The following SPAG9 variants were observed in gnomAD, a reference collection of about 807,000 sequenced individuals.
SPAG9 encodes sperm associated antigen 9.
A neutral mutation model predicts 166.5 loss-of-function variants in SPAG9; 35 were observed. The ratio of observed to expected loss-of-function variants is 0.21; its 90% confidence interval spans 0.16 to 0.28. The LOEUF is 0.28. Ranked by LOEUF, SPAG9 falls within the 10% of genes least tolerant of loss-of-function variation. The probability of loss-of-function intolerance (pLI) is 1.00; values close to 1 mark genes in which losing one functional copy is unlikely to be tolerated. For missense variants in SPAG9, 1,235 were observed against 1,603.3 expected (o/e 0.77, Z 3.92); for synonymous variants, 534 against 565.5 (o/e 0.94, Z 0.79).
In SPAG9 at chr17:50,998,472, A is replaced by G; in HGVS notation, c.1810T>C (p.Ser604Pro). 1 of 1,614,138 alleles carries G rather than the reference A, an allele frequency of 6.2e-7. No homozygotes were observed. The highest frequency in any genetic ancestry group is 8.5e-7 in the Non-Finnish European group (1 of 1,179,990). The change falls in exon 15 of 30, where the codon TCC (serine) becomes CCC (proline). Residue 604 changes from serine (S) to proline (P), a missense_variant. By Grantham distance (74) the Ser-to-Pro change is moderately conservative. This residue lies in a region of SPAG9 where 493 missense variants were observed against 559.4 expected (regional missense o/e 0.88). Coordinates refer to ENST00000262013, the MANE Select transcript of SPAG9 (RefSeq NM_001130528.3). ...STLSQLPGDK[S>P]KAFDFLSEET... ...TCACTAAGGAAATCAAAGGCTTTGG[A>G]CTTATCCCCAGGGAGCTGAGATAAG...
chr17:50,982,789 T>C, intron 24 of SPAG9, 117 bp from the exon 25 acceptor site: 2 of 889,882 alleles, frequency 2.2e-6, no homozygotes, highest in East Asian at 2.7e-5. Context: ...CAAAGTACCA[T>C]GTACTAAGTA....
intron 1 of SPAG9, among the ~76,000 whole-genome samples, chr17:51,115,054 C>T (rs2049245120): frequency 6.6e-6 from 1 of 152,134 alleles, no homozygotes; most frequent in Non-Finnish European, 1.5e-5. Context: ...CATGTTCATA[C>T]ACTTCCAAAG....
intron 9 of SPAG9, among the ~76,000 whole-genome samples, chr17:51,011,724 A>C (rs2045493561): frequency 6.6e-6 from 1 of 152,170 alleles, no homozygotes. Flanking sequence ...AAATATTCAT[A>C]AGTAACTAAA....
intron 1 of SPAG9, among the ~76,000 whole-genome samples, chr17:51,119,510 C>A (rs1415058194): frequency 6.6e-6 from 1 of 152,140 alleles, no homozygotes; most frequent in African/African-American, 2.4e-5. Flanking sequence ...TTCACAGAGT[C>A]GAGGTGAGGG....
At chr17:51,048,861 T>A (rs1463992273) in intron 3 of SPAG9, among the ~76,000 whole-genome samples, 1 of 152,174 alleles carries the variant, frequency 6.6e-6, no homozygotes, top group African/African-American at 2.4e-5. Flanking sequence ...TATAGTATCT[T>A]AAAATTTTTT....
intron 1 of SPAG9, among the ~76,000 whole-genome samples, chr17:51,112,559 T>TACTCAGGAG (rs2049145055): frequency 6.8e-6 from 1 of 148,092 alleles, no homozygotes; most frequent in African/African-American, 2.5e-5. Flanking sequence ...TAGTCCCAGC[T>TACTCAGGAG]ACTCAGGAGG....
chr17:51,044,063 A>G (rs892634150), intron 4 of SPAG9, among the ~76,000 whole-genome samples: 5 of 152,188 alleles, frequency 3.3e-5, no homozygotes, highest in Non-Finnish European at 7.4e-5. Flanking sequence ...ACTGACAGCT[A>G]TCTGTCAAGT....
At chr17:50,982,318 T>C (rs1214320429) in intron 25 of SPAG9, among the ~76,000 whole-genome samples, 1 of 152,198 alleles carries the variant, frequency 6.6e-6, no homozygotes, top group Non-Finnish European at 1.5e-5. Context: ...TTTCCTTTTT[T>C]AAAAAGCCAC....
intron 19 of SPAG9, among the ~76,000 whole-genome samples, chr17:50,992,032 G>A (rs932623993): frequency 5.7e-5 from 8 of 139,344 alleles, no homozygotes; most frequent in South Asian, 4.9e-4. Context: ...TGACCTCCCC[G>A]ACTCAAGTTA....
intron 1 of SPAG9, among the ~76,000 whole-genome samples, chr17:51,100,904 G>A (rs1452849728): frequency 6.6e-6 from 1 of 150,996 alleles, no homozygotes; most frequent in Non-Finnish European, 1.5e-5. Context: ...TGGGCAATAA[G>A]AGCAAAACTC....
intron 2 of SPAG9, among the ~76,000 whole-genome samples, chr17:51,078,617 T>C (rs548442847): frequency 3.3e-5 from 5 of 152,128 alleles, no homozygotes; most frequent in Non-Finnish European, 5.9e-5. Flanking sequence ...TCTCACCTTT[T>C]TTTTTTTCTA....
chr17:51,012,190 T>C (rs1043550306), intron 9 of SPAG9, among the ~76,000 whole-genome samples: 1 of 152,178 alleles, frequency 6.6e-6, no homozygotes, highest in African/African-American at 2.4e-5. Context: ...AAACTAATTA[T>C]GCCTTAAAAG....
chr17:50,986,609 C>T (rs565274318), intron 22 of SPAG9, among the ~76,000 whole-genome samples: 123 of 152,302 alleles, frequency 8.1e-4, no homozygotes, highest in African/African-American at 2.9e-3. Flanking sequence ...TTTTGTAAAA[C>T]TCTCCACACA....
intron 1 of SPAG9, among the ~76,000 whole-genome samples, chr17:51,083,583 A>ATTT (rs1568071867): frequency 6.7e-6 from 1 of 148,794 alleles, no homozygotes; most frequent in African/African-American, 2.5e-5. Flanking sequence ...TTATTTATTT[A>ATTT]AGATGTAGGT....
Position 50,998,473 on chromosome 17 carries a change from C to T in SPAG9, c.1809G>A (p.Lys603=). Residue 603 remains lysine, a synonymous_variant, in exon 15 of 30, where the codon AAG becomes AAA. Transcript: ENST00000262013. ...SSTLSQLPGD[K]SKAFDFLSEE... ...CACTAAGGAAATCAAAGGCTTTGGA[C>T]TTATCCCCAGGGAGCTGAGATAAGG... 1.2e-6 allele frequency: 2 copies of T among 1,614,110 alleles called. No homozygotes were observed. The highest frequency in any genetic ancestry group is 1.7e-6 in the Non-Finnish European group (2 of 1,179,990).
At chr17:51,007,935 A>C in intron 9 of SPAG9, 1 of 400,074 alleles carries the variant, frequency 2.5e-6, no homozygotes, top group South Asian at 1.8e-5. Context: ...ACAGATTATT[A>C]ATCTATAAAG....
In SPAG9 at chr17:50,996,713, T is replaced by C. The variant is rs181873927; in HGVS notation, c.1839-19A>G. 74 of 1,613,292 alleles carry C rather than the reference T, an allele frequency of 4.6e-5. No individual in the cohort carries two copies. Among genetic ancestry groups the C allele is most frequent in the Admixed American group, 1.2e-4 (7 of 59,934 alleles). ...TTCAGTTCTAAAAGGAAAAAAGATT[T>C]TCCTAATTACATGAATACGTTTAAT... is the stretch of plus-strand genomic sequence containing the variant. On this transcript the variant is annotated intron_variant, in intron 15 of 29. Transcript: ENST00000262013.
intron 2 of SPAG9, among the ~76,000 whole-genome samples, chr17:51,072,528 C>A (rs537457111): frequency 6.6e-6 from 1 of 150,614 alleles, no homozygotes; most frequent in African/African-American, 2.4e-5. Flanking sequence ...ACTAAAAATA[C>A]AAAAATTAGC....
chr17:51,012,491 A>G (rs1474436128), intron 9 of SPAG9, among the ~76,000 whole-genome samples: 1 of 151,578 alleles, frequency 6.6e-6, no homozygotes, highest in Non-Finnish European at 1.5e-5. Context: ...AATCACTTGA[A>G]CCAGGGAGGC....
Sources: gnomAD v4.1 joint callset for allele counts (sites outside exome capture counted in the v4.1 genomes callset) on GRCh38, gnomAD v4.1.1 for gene constraint, gnomAD v4.1.1 regional missense constraint, MANE v1.5 for transcripts, NCBI Gene and HGNC (gene_info 2026-07-23, HGNC 2026-07-21) for gene names.